REV3L: variants seen among roughly 807,000 people sequenced by gnomAD.
REV3L encodes the protein DNA polymerase zeta catalytic subunit.
In REV3L, 69 loss-of-function variants were observed where a neutral mutation model predicts 299.4. That is an observed-to-expected ratio of 0.23 (90% CI 0.19 to 0.28). REV3L has a LOEUF of 0.28. Among genes scored for constraint, REV3L ranks in the 10% least tolerant of loss-of-function variants. The pLI is 1.00. For missense variants in REV3L, 3,128 were observed against 3,693.8 expected, an observed-to-expected ratio of 0.85 and a Z score of 3.97; for synonymous variants, 1,238 against 1,271.4, an observed-to-expected ratio of 0.97 and a Z score of 0.56.
At chr6:111,313,525 A>T in intron 27 of REV3L, 36 bp from the exon 28 acceptor site, 1 of 1,562,520 alleles carries the variant, frequency 6.4e-7, no homozygotes, top group Non-Finnish European at 8.6e-7. Context: ...CTTAAAAACC[A>T]TTTCCCCCCA....
chr6:111,330,856 T>G (rs1464453677), intron 24 of REV3L: 1 of 351,908 alleles, frequency 2.8e-6, no homozygotes. Context: ...CATTTTAAAA[T>G]TTTCCAAAAA....
At chr6:111,315,167 C>G (rs1359779265) in intron 27 of REV3L, 100 bp downstream of exon 27, 19 of 987,238 alleles carry the variant, frequency 1.9e-5, no homozygotes, top group Non-Finnish European at 2.6e-5. Flanking sequence ...TTAATAGACC[C>G]GTATACTGTT....
intron 27 of REV3L, among the ~76,000 whole-genome samples, chr6:111,314,868 T>C (rs909969391): frequency 6.6e-6 from 1 of 150,998 alleles, no homozygotes; most frequent in Non-Finnish European, 1.5e-5. Flanking sequence ...TTTTTTTTTT[T>C]AGAGACAGGG....
chr6:111,301,013 T>G (rs1334496540), intron 31 of REV3L, among the ~76,000 whole-genome samples: 1 of 152,184 alleles, frequency 6.6e-6, no homozygotes, highest in Non-Finnish European at 1.5e-5. Flanking sequence ...AGGAGAAATA[T>G]CGCTGAATTC....
rs1780007283 is a variant in REV3L, at chr6:111,373,561, A to G, written c.4794T>C (p.Leu1598=). ...STKQKEKIPK[L]LKVDSLNLQN... is the part of the protein sequence containing the mutation. ...GTAAATTTAAAGAGTCTACTTTGAG[A>G]AGTTTGGGGATTTTTTCTTTTTGTT... The change falls in exon 13 of 32, where the codon CTT becomes CTC. Residue 1598 remains leucine, a synonymous_variant. Transcript: ENST00000368802. 1 of 1,613,730 alleles carries G rather than the reference A, an allele frequency of 6.2e-7. No individual in the cohort carries two copies. The highest frequency in any genetic ancestry group is 1.3e-5 in the African/African-American group (1 of 74,820).
intron 7 of REV3L, among the ~76,000 whole-genome samples, chr6:111,388,534 T>G (rs1781571883): frequency 6.6e-6 from 1 of 152,222 alleles, no homozygotes; most frequent in South Asian, 2.1e-4. Context: ...TTTTGAATGA[T>G]GTCGTTCACT....
At chr6:111,300,595 A>G (rs1402723112) in intron 31 of REV3L, among the ~76,000 whole-genome samples, 2 of 152,248 alleles carry the variant, frequency 1.3e-5, no homozygotes, top group African/African-American at 4.8e-5. Context: ...GCAGAAAAAC[A>G]TAAATTGTGA....
chr6:111,465,745 C>A (rs201129604), intron 1 of REV3L, among the ~76,000 whole-genome samples: 263 of 76,836 alleles, frequency 3.4e-3, no homozygotes, highest in South Asian at 5.5e-3. Context: ...AAACAAAAAC[C>A]AAAAAAAAAA....
intron 9 of REV3L, among the ~76,000 whole-genome samples, chr6:111,386,986 T>C (rs946086091): frequency 1.3e-5 from 2 of 152,172 alleles, no homozygotes; most frequent in African/African-American, 4.8e-5. Flanking sequence ...CCTCTCAAAT[T>C]GCTGAGATTA....
chr6:111,330,349 G>T, intron 24 of REV3L: 1 of 443,840 alleles, frequency 2.3e-6, no homozygotes, highest in Non-Finnish European at 4.6e-6. Context: ...GATAAAATTT[G>T]TTGATGCCAA....
chr6:111,457,158 A>G (rs1790251401), intron 1 of REV3L, among the ~76,000 whole-genome samples: 1 of 152,030 alleles, frequency 6.6e-6, no homozygotes, highest in Non-Finnish European at 1.5e-5. Flanking sequence ...ACTGTACCTC[A>G]AGTCTATTTA....
chr6:111,346,372 T>C (rs1034710273), intron 20 of REV3L, among the ~76,000 whole-genome samples: 2 of 152,218 alleles, frequency 1.3e-5, no homozygotes, highest in African/African-American at 4.8e-5. Context: ...AGAGGTATTT[T>C]GCTTGTCACT....
chr6:111,333,638 C>A (rs1364455397), intron 22 of REV3L, among the ~76,000 whole-genome samples: 1 of 151,866 alleles, frequency 6.6e-6, no homozygotes, highest in African/African-American at 2.4e-5. Flanking sequence ...CCATGTCCAG[C>A]TAATTTTTTG....
rs1481562948 is a variant in REV3L, at chr6:111,303,680, TTTTTTTTTAACAGACTATGAC to T, written c.9253-3545_9253-3525del. 4.1e-3 allele frequency among the ~76,000 whole-genome samples: 362 copies of T among 87,502 alleles called. 51 individuals carry two copies. Among genetic ancestry groups the T allele is most frequent in the Non-Finnish European group, 8.1e-3 (258 of 31,856 alleles). The allele number at this position is 87,502 out of a possible 152,430, so 57.4% of individuals were successfully genotyped here. On this transcript the variant is annotated intron_variant, in intron 31 of 31. Transcript: ENST00000368802. The stretch of plus-strand genomic sequence containing the variant: ...TGATCCCCAGCCGAGGCTTTTTTTT[TTTTTTTTTAACAGACTATGAC>T]TTTTTTTTTTTTTTTTTTTTTTTTT...
At chr6:111,473,538 T>G (rs1188391713) in intron 1 of REV3L, among the ~76,000 whole-genome samples, 1 of 151,978 alleles carries the variant, frequency 6.6e-6, no homozygotes, top group Non-Finnish European at 1.5e-5. Flanking sequence ...TATAATCTTT[T>G]GTTTTCTTAA....
intron 21 of REV3L, among the ~76,000 whole-genome samples, chr6:111,340,507 A>T (rs1285554453): frequency 1.3e-5 from 2 of 152,166 alleles, no homozygotes; most frequent in African/African-American, 4.8e-5. Flanking sequence ...GTTTATTAAA[A>T]AAAATTAGGG....
At position 111,335,982 on chromosome 6, in the gene REV3L, T is replaced by C. The variant is rs77331280; in HGVS notation, c.7539-372A>G. On this transcript the variant is annotated intron_variant, in intron 21 of 31. Transcript: ENST00000368802. Reference sequence around the variant, plus strand: ...CTGATTATGCAATAATTATTTATCATATCTATAGATTTTTAAAGAACATGA... The same window carrying C: ...CTGATTATGCAATAATTATTTATCACATCTATAGATTTTTAAAGAACATGA... 7.2e-3 allele frequency among the ~76,000 whole-genome samples: 1,100 copies of C among 152,036 alleles called. 16 individuals are homozygous for C. Among genetic ancestry groups the C allele is most frequent in the African/African-American group, 0.025 (1,058 of 41,550 alleles).
intron 1 of REV3L, among the ~76,000 whole-genome samples, chr6:111,471,043 G>GTA (rs1262858115): frequency 6.6e-6 from 1 of 152,078 alleles, no homozygotes; most frequent in Non-Finnish European, 1.5e-5. Flanking sequence ...ACCTAGGAAT[G>GTA]TATGTAGAAA....
intron 5 of REV3L, among the ~76,000 whole-genome samples, chr6:111,391,508 A>G (rs369437980): frequency 6.6e-6 from 1 of 152,246 alleles, no homozygotes; most frequent in Non-Finnish European, 1.5e-5. Flanking sequence ...ATATACGTAT[A>G]TATGTACTCA....
Sources: gnomAD v4.1 joint callset for allele counts (sites outside exome capture counted in the v4.1 genomes callset) on GRCh38, gnomAD v4.1.1 for gene constraint, MANE v1.5 for transcripts, NCBI Gene and HGNC (gene_info 2026-07-23, HGNC 2026-07-21) for gene names.